Variants in FBXO5 observed in about 807,000 individuals in gnomAD.
The protein encoded by FBXO5 is F-box only protein 5.
Under a neutral mutation model 43.3 loss-of-function variants are expected in FBXO5, and 8 were observed. The observed-to-expected ratio is 0.18, with a 90% CI of 0.11 to 0.33. The LOEUF is 0.33. Ranked by LOEUF, FBXO5 falls within the 10% of genes least tolerant of loss-of-function variation. FBXO5 has a pLI of 1.00. For synonymous variants in FBXO5, 204 were observed against 193.7 expected (o/e 1.05, Z -0.44); for missense variants, 491 against 535.7 (o/e 0.92, Z 0.82).
chr6:152,970,956 A>G lies in FBXO5; in HGVS notation c.*207T>C. ...AAAATATTTAAATTGTTTGATTTGT[A>G]TTGAGAATTTTAAACTTTTTCTCAT... On this transcript the variant is annotated 3_prime_UTR_variant, in exon 5 of 5. Transcript: ENST00000229758. 1 of 439,938 alleles carries G rather than the reference A, an allele frequency of 2.3e-6. No homozygotes were observed. The highest frequency in any genetic ancestry group is 3.9e-6 in the Non-Finnish European group (1 of 253,932). 27.3% of individuals were successfully genotyped at this position (439,938 alleles called of 1,614,324 possible). A position where few individuals can be genotyped will look rare whatever the true frequency, so the allele number is the denominator to read the frequency against.
At chr6:152,972,926 T>G (rs1778107833) in intron 3 of FBXO5, 120 bp downstream of exon 3, 1 of 617,472 alleles carries the variant, frequency 1.6e-6, no homozygotes. Flanking sequence ...AGTTCCAGTA[T>G]AAGGCTGAAA....
At chr6:152,979,066 A>G (rs1439030539) in intron 1 of FBXO5, among the ~76,000 whole-genome samples, 1 of 152,192 alleles carries the variant, frequency 6.6e-6, no homozygotes, top group Non-Finnish European at 1.5e-5. Context: ...ATTCACAGAA[A>G]AGCTGCAAGG....
chr6:152,978,327 C>T (rs978984221), intron 1 of FBXO5, among the ~76,000 whole-genome samples: 1 of 121,220 alleles, frequency 8.2e-6, no homozygotes, highest in Non-Finnish European at 1.6e-5. Flanking sequence ...TTTTCCACTT[C>T]CTTTGCTTAT....
intron 4 of FBXO5, 128 bp downstream of exon 4, chr6:152,972,144 T>G: frequency 1.8e-6 from 1 of 551,460 alleles, no homozygotes; most frequent in Non-Finnish European, 3.1e-6. Context: ...TAATATCAGG[T>G]TTCTTAATGT....
At position 152,974,966 on chromosome 6, in the gene FBXO5, C is replaced by T. The variant is rs374443845; in HGVS notation, c.759G>A (p.Arg253=). 3.1e-6 allele frequency: 5 copies of T among 1,612,656 alleles called. No individual in the cohort carries two copies. The African/African-American group carries it at 4.0e-5, about 13-fold the overall frequency. Residue 253 remains arginine (R), a synonymous_variant, in exon 2 of 5, where the codon AGG becomes AGA. Transcript: ENST00000229758. ...CVDILSELFR[R]GLRHVLATIL... The stretch of plus-strand genomic sequence containing the variant: ...TAGTTGCTAAGACATGTCTGAGTCC[C>T]CTTCGAAAGAGTTCGCTGAGAATAT...
intron 3 of FBXO5, 151 bp from the exon 4 acceptor site, chr6:152,972,605 A>G (rs1290003391): frequency 1.7e-6 from 1 of 590,228 alleles, no homozygotes; most frequent in African/African-American, 1.8e-5. Flanking sequence ...ACTTAAACAA[A>G]GCAAAACCTA....
Position 152,975,064 on chromosome 6 carries a change from T to C in FBXO5, c.661A>G (p.Lys221Glu). 6.2e-7 allele frequency: 1 copy of C among 1,614,204 alleles called. No homozygotes were observed. Among genetic ancestry groups the C allele is most frequent in the Non-Finnish European group, 8.5e-7 (1 of 1,180,024 alleles). ...RNPKVDREML[K>E]EIIARGNFRL... Reference sequence around the variant, plus strand: ...AAATTTCCTCTGGCTATAATTTCCTTCAGCATCTCCCGATCTACTTTAGGA... The same window carrying C: ...AAATTTCCTCTGGCTATAATTTCCTCCAGCATCTCCCGATCTACTTTAGGA... The change falls in exon 2 of 5, where the codon AAG becomes GAG. Residue 221 changes from lysine (K) to glutamate (E), a missense_variant. Physicochemically the swap from Lys to Glu is moderately conservative, Grantham distance 56 (BLOSUM62 1). Transcript: ENST00000229758.
At position 152,983,018 on chromosome 6, in the gene FBXO5, C is replaced by T. The variant is rs547980533; in HGVS notation, c.-59G>A. The T allele has an allele frequency of 2.8e-6, 3 of 1,065,620 alleles. No homozygotes were observed. In the East Asian group the frequency reaches 9.7e-5, roughly 34 times the overall value. 66.0% of individuals were successfully genotyped at this position (1,065,620 alleles called of 1,614,324 possible). Reference sequence around the variant, plus strand: ...AACCGCTCCGGGGGCAGCTGAGCAACCTGCCTGCTTCACAGACCTGTATCT... The same window carrying T: ...AACCGCTCCGGGGGCAGCTGAGCAATCTGCCTGCTTCACAGACCTGTATCT... On this transcript the variant is annotated 5_prime_UTR_variant, in exon 1 of 5. Coordinates refer to ENST00000229758, the MANE Select transcript of FBXO5 (RefSeq NM_012177.5).
At chr6:152,978,483 A>T (rs750770100) in intron 1 of FBXO5, among the ~76,000 whole-genome samples, 1 of 151,164 alleles carries the variant, frequency 6.6e-6, no homozygotes, top group African/African-American at 2.4e-5. Context: ...TAAAGGCCAG[A>T]CATAACTGTT....
chr6:152,981,967 T>C (rs141789931), intron 1 of FBXO5, among the ~76,000 whole-genome samples: 38 of 152,318 alleles, frequency 2.5e-4, no homozygotes, highest in African/African-American at 9.1e-4. Context: ...TAAAGGACTA[T>C]CTAATTCTTC....
chr6:152,979,688 T>C (rs1048590516), intron 1 of FBXO5, among the ~76,000 whole-genome samples: 1 of 152,260 alleles, frequency 6.6e-6, no homozygotes, highest in African/African-American at 2.4e-5. Context: ...ACTCATAGAC[T>C]TTGGGTTATA....
upstream of FBXO5, chr6:152,983,245 G>A (rs553681812): frequency 1.2e-4 from 40 of 330,838 alleles, no homozygotes; most frequent in South Asian, 4.1e-3. Flanking sequence ...GGCTCCCCAC[G>A]TCCGGAAAGA....
Position 152,971,234 on chromosome 6 carries a change from G to A in FBXO5, c.1273C>T (p.Leu425Phe), listed in dbSNP as rs1457077439. The A allele has an allele frequency of 6.2e-7, 1 of 1,613,702 alleles. No individual in the cohort carries two copies. Among genetic ancestry groups the A allele is most frequent in the African/African-American group, 1.3e-5 (1 of 74,862 alleles). The change falls in exon 5 of 5, where the codon CTC (leucine) becomes TTC (phenylalanine). Residue 425 changes from leucine (L) to phenylalanine (F), a missense_variant. Coordinates refer to ENST00000229758, the MANE Select transcript of FBXO5 (RefSeq NM_012177.5). Reference sequence around the variant, plus strand: ...GGACCTATTTTACAACTGGCTTTGAGGAGCTTGCCATCTGAACAGTCTTTA... The same window carrying A: ...GGACCTATTTTACAACTGGCTTTGAAGAGCTTGCCATCTGAACAGTCTTTA... Reference protein sequence around the residue: ...TTKDCSDGKLLKASCKIGPLP... With the variant: ...TTKDCSDGKLFKASCKIGPLP...
chr6:152,975,649 T>C, intron 1 of FBXO5, 28 bp from the exon 2 acceptor site: 1 of 1,461,482 alleles, frequency 6.8e-7, no homozygotes, highest in Non-Finnish European at 9.2e-7. Flanking sequence ...CATTTACATC[T>C]TAATGGCAAA....
intron 1 of FBXO5, among the ~76,000 whole-genome samples, chr6:152,977,002 C>A (rs1216997687): frequency 6.6e-6 from 1 of 152,164 alleles, no homozygotes; most frequent in Non-Finnish European, 1.5e-5. Context: ...AGGCCAGATG[C>A]AAAATTTCCT....
chr6:152,972,993 G>A lies in FBXO5; in HGVS notation c.909+53C>T, dbSNP rs532089118. The A allele has an allele frequency of 4.7e-5, 65 of 1,384,516 alleles. No individual in the cohort carries two copies. In the South Asian group the frequency reaches 7.4e-4, roughly 16 times the overall value. The allele number at this position is 1,384,516 out of a possible 1,614,324, so 85.8% of individuals were successfully genotyped here. On this transcript the variant is annotated intron_variant, in intron 3 of 4. Coordinates refer to ENST00000229758, the MANE Select transcript of FBXO5 (RefSeq NM_012177.5). ...TTACCTCTTTTCTTTTCTATTTCTA[G>A]AAGAGCACTAACAGTGCATTTTTAA...
chr6:152,971,199 A>G lies in FBXO5; in HGVS notation c.1308T>C (p.Gly436=). The change falls in exon 5 of 5, where the codon GGT becomes GGC. Residue 436 remains glycine (G), a synonymous_variant. Coordinates refer to ENST00000229758, the MANE Select transcript of FBXO5 (RefSeq NM_012177.5). ...KASCKIGPLP[G]TKKSKKNLRR... ...GTAAATTCTTTTTGCTTTTCTTTGTACCAGGCAGGGGACCTATTTTACAAC... is the reference window on the plus strand; with the variant it reads ...GTAAATTCTTTTTGCTTTTCTTTGTGCCAGGCAGGGGACCTATTTTACAAC... The G allele has an allele frequency of 6.2e-7, 1 of 1,612,804 alleles. No individual in the cohort carries two copies. The highest frequency in any genetic ancestry group is 8.5e-7 in the Non-Finnish European group (1 of 1,179,646).
intron 3 of FBXO5, 121 bp from the exon 4 acceptor site, chr6:152,972,575 C>T: frequency 4.2e-6 from 3 of 712,686 alleles, no homozygotes; most frequent in Middle Eastern, 3.9e-4. Flanking sequence ...CTTATCCCTA[C>T]ATGCAATTTA....
chr6:152,974,961 A>G lies in FBXO5; in HGVS notation c.764T>C (p.Leu255Pro), dbSNP rs1778141744. 1 of 1,612,958 alleles carries G rather than the reference A, an allele frequency of 6.2e-7. No individual in the cohort carries two copies. Among genetic ancestry groups the G allele is most frequent in the Non-Finnish European group, 8.5e-7 (1 of 1,179,670 alleles). Reference protein sequence around the residue: ...DILSELFRRGLRHVLATILAQ... With the variant: ...DILSELFRRGPRHVLATILAQ... ...TAAAATAGTTGCTAAGACATGTCTG[A>G]GTCCCCTTCGAAAGAGTTCGCTGAG... Residue 255 changes from leucine to proline, a missense_variant, in exon 2 of 5, where the codon CTC becomes CCC. Physicochemically the swap from Leu to Pro is moderately conservative, Grantham distance 98 (BLOSUM62 -3). Transcript: ENST00000229758.
Sources: gnomAD v4.1 joint callset for allele counts (sites outside exome capture counted in the v4.1 genomes callset) on GRCh38, gnomAD v4.1.1 for gene constraint, MANE v1.5 for transcripts, NCBI Gene and HGNC (gene_info 2026-07-23, HGNC 2026-07-21) for gene names.